The following PLSCR2 variants were observed in gnomAD, a reference collection of about 807,000 sequenced individuals.
PLSCR2 encodes the protein PL scramblase 2.
A neutral mutation model predicts 25.3 loss-of-function variants in PLSCR2; 18 were observed. The ratio of observed to expected loss-of-function variants is 0.71; its 90% CI spans 0.49 to 1.06. The LOEUF (loss-of-function observed/expected upper bound fraction) is 1.06. Ranked by LOEUF, PLSCR2 falls within the 50% of genes least tolerant of loss-of-function variation. The pLI, the probability that PLSCR2 is intolerant of heterozygous loss-of-function variation, is 0.00. For missense variants in PLSCR2, 243 were observed against 269.5 expected (o/e 0.90, Z 0.69); for synonymous variants, 88 against 87.3 (o/e 1.01, Z -0.04).
rs576070884 is a variant in PLSCR2, at chr3:146,394,486, G to A, written c.*145+1274C>T. Among the ~76,000 whole-genome samples the A allele has an allele frequency of 2.6e-5, 4 of 152,080 alleles. No homozygotes were observed. The South Asian group carries it at 6.2e-4, about 24-fold the overall frequency. ...TCTCCATGTTGGTCAAGCTGGTCTC[G>A]AACTCCTGACCTCAGGTGATCTGCC... is the stretch of plus-strand genomic sequence containing the variant. On this transcript the variant is annotated intron_variant and NMD_transcript_variant, in intron 3 of 3. Coordinates refer to the PLSCR2 transcript ENST00000463633.
At chr3:146,431,712 T>C (rs555159873), downstream of PLSCR2, among the ~76,000 whole-genome samples, 1 of 152,286 alleles carries the variant, frequency 6.6e-6, no homozygotes, top group East Asian at 1.9e-4. Context: ...GCCTACATCT[T>C]GAACAAAAGT....
At chr3:146,483,449 G>T (rs62272705) in intron 1 of PLSCR2, among the ~76,000 whole-genome samples, 2 of 30,596 alleles carry the variant, frequency 6.5e-5, no homozygotes, top group Non-Finnish European at 1.3e-4. Context: ...ATATACACAT[G>T]TATGTATATA....
intron 1 of PLSCR2, among the ~76,000 whole-genome samples, chr3:146,470,111 C>G (rs76548878): frequency 0.042 from 6,328 of 152,154 alleles, 183 homozygotes; most frequent in Admixed American, 0.089. Context: ...TTCTTTCCAA[C>G]AAAAGGCATT....
chr3:146,416,643 T>C (rs2039014320), intron 2 of PLSCR2: 1 of 152,250 alleles, frequency 6.6e-6, no homozygotes. Context: ...TTTAGCCTTT[T>C]ATGTTTAACA....
At chr3:146,402,350 C>A (rs1255917182) in intron 2 of PLSCR2, among the ~76,000 whole-genome samples, 1 of 152,150 alleles carries the variant, frequency 6.6e-6, no homozygotes, top group Non-Finnish European at 1.5e-5. Flanking sequence ...TTAAAAACCT[C>A]TTCAGAGGAA....
chr3:146,495,991 C>G (rs1047527889), upstream of PLSCR2: 2 of 1,163,050 alleles, frequency 1.7e-6, no homozygotes. Flanking sequence ...TGGGCAGATA[C>G]AAGCAACCAC....
intron 2 of PLSCR2, among the ~76,000 whole-genome samples, chr3:146,403,153 C>A (rs537496208): frequency 9.2e-5 from 14 of 151,912 alleles, no homozygotes; most frequent in African/African-American, 3.4e-4. Flanking sequence ...AACACACACA[C>A]ACACACACAC....
intron 2 of PLSCR2, among the ~76,000 whole-genome samples, chr3:146,419,638 A>T (rs1289747749): frequency 6.6e-6 from 1 of 152,064 alleles, no homozygotes; most frequent in Non-Finnish European, 1.5e-5. Flanking sequence ...GGCTCTAAGG[A>T]AACAAAAAAT....
downstream of PLSCR2, among the ~76,000 whole-genome samples, chr3:146,437,576 TTC>T (rs764726844): frequency 6.6e-6 from 1 of 151,406 alleles, no homozygotes; most frequent in Non-Finnish European, 1.5e-5. Context: ...GTTTATAGTA[TTC>T]TCTGATGGTA....
rs538193951 is a variant in PLSCR2, at chr3:146,452,674, A to G, written c.483+1328T>C. ...ATTGAAGAGCTACTGAATGAAATCTAAATTTTTAGTATTAAGAATGTTTCA... is the reference window on the plus strand; with the variant it reads ...ATTGAAGAGCTACTGAATGAAATCTGAATTTTTAGTATTAAGAATGTTTCA... On this transcript the variant is annotated intron_variant, in intron 5 of 6. Transcript: ENST00000610787. Among the ~76,000 whole-genome samples, 6 of 152,220 alleles carry G rather than the reference A, an allele frequency of 3.9e-5. No homozygotes were observed. In the South Asian group the frequency reaches 1.2e-3, roughly 32 times the overall value.
downstream of PLSCR2, among the ~76,000 whole-genome samples, chr3:146,432,687 G>C (rs77895008): frequency 0.041 from 6,220 of 152,190 alleles, 177 homozygotes; most frequent in Admixed American, 0.087. Context: ...TGCTATTAAA[G>C]TGTGCTAAAT....
chr3:146,394,064 G>A (rs1052304011), intron 3 of PLSCR2, among the ~76,000 whole-genome samples: 1 of 152,044 alleles, frequency 6.6e-6, no homozygotes, highest in South Asian at 2.1e-4. Context: ...TATCATTGTA[G>A]TTACCCATTT....
At chr3:146,462,306 G>A (rs1249960385), upstream of PLSCR2, among the ~76,000 whole-genome samples, 2 of 151,856 alleles carry the variant, frequency 1.3e-5, no homozygotes, top group Admixed American at 6.6e-5. Flanking sequence ...TGCCCAGGCT[G>A]GTCTCAAACT....
At chr3:146,426,599 T>C (rs1318394694) in intron 2 of PLSCR2, among the ~76,000 whole-genome samples, 1 of 150,948 alleles carries the variant, frequency 6.6e-6, no homozygotes, top group African/African-American at 2.5e-5. Context: ...CAAATTGAGT[T>C]CTACACCTAC....
downstream of PLSCR2, among the ~76,000 whole-genome samples, chr3:146,430,172 G>A (rs996518316): frequency 6.6e-6 from 1 of 152,188 alleles, no homozygotes; most frequent in African/African-American, 2.4e-5. Flanking sequence ...TTGCTAGAGA[G>A]ATTAGCATGA....
At chr3:146,459,955 C>T (rs2041466924) in exon 2 of PLSCR2, 1 of 1,613,998 alleles carries the variant, frequency 6.2e-7, no homozygotes, top group Non-Finnish European at 8.5e-7. Flanking sequence ...GGAATGCCAG[C>T]TGTGCCAGCA....
At chr3:146,441,738 A>G (rs1576634128), downstream of PLSCR2, 4 of 1,331,950 alleles carry the variant, frequency 3.0e-6, no homozygotes, top group East Asian at 4.7e-5. Flanking sequence ...ACAGACTTCA[A>G]ATTTTCTGAG....
intron 2 of PLSCR2, among the ~76,000 whole-genome samples, chr3:146,404,972 T>G (rs2038614186): frequency 6.6e-6 from 1 of 152,150 alleles, no homozygotes; most frequent in African/African-American, 2.4e-5. Flanking sequence ...CCTTAAGGCC[T>G]CAGGCAACCC....
chr3:146,477,880 T>A (rs2042977332), intron 1 of PLSCR2, among the ~76,000 whole-genome samples: 2 of 152,174 alleles, frequency 1.3e-5, no homozygotes, highest in Admixed American at 6.5e-5. Context: ...GGGATGAAGC[T>A]TCCAGAGGAA....
Sources: allele counts gnomAD v4.1 joint callset (sites outside exome capture counted in the v4.1 genomes callset), GRCh38; gene constraint gnomAD v4.1.1; transcripts MANE v1.5; gene names NCBI Gene and HGNC (gene_info 2026-07-23, HGNC 2026-07-21).